SRL: variants seen among roughly 807,000 people sequenced by gnomAD.
SRL encodes the protein sarcalumenin.
A neutral mutation model predicts 39.5 loss-of-function variants in SRL; 23 were observed. The ratio of observed to expected loss-of-function variants is 0.58; its 90% CI spans 0.42 to 0.82. The LOEUF (loss-of-function observed/expected upper bound fraction) is 0.82, where lower values mean the gene tolerates loss of function less well. Among genes scored for constraint, SRL ranks in the 40% least tolerant of loss-of-function variants. The pLI is 0.00. For synonymous variants in SRL, 272 were observed against 237.4 expected (o/e 1.15, Z -1.34); for missense variants, 592 against 607.8 (o/e 0.97, Z 0.27).
rs924234675 is a variant in SRL at position 4,191,992 on chromosome 16, A to C, written c.*161T>G. The C allele has an allele frequency of 1.0e-4, 73 of 726,624 alleles. 1 individual carries two copies. In the Middle Eastern group the frequency reaches 3.6e-3, roughly 36 times the overall value. 45.0% of individuals were successfully genotyped at this position (726,624 alleles called of 1,614,324 possible). ...TCACAGTTTCCACTCTCCTCCCTAG[A>C]CCCACACACCTGCCCCGACCCCTGG... On this transcript the variant is annotated 3_prime_UTR_variant, in exon 6 of 6. Coordinates refer to ENST00000399609, the MANE Select transcript of SRL (RefSeq NM_001098814.2).
chr16:4,216,560 C>T (rs9929195), intron 1 of SRL, among the ~76,000 whole-genome samples: 24,294 of 152,234 alleles, frequency 0.16, 2,259 homozygotes, highest in Middle Eastern at 0.29. Context: ...GCATGAGCCA[C>T]GATGCCCAGC....
Position 4,196,471 on chromosome 16 carries a change from CTTT to C in SRL, c.377-688_377-686del, listed in dbSNP as rs35980213. ...GCGTCTCTCTCTCTGATTTTGCCTTCTTTTTTTTTTTTTTTTTTTTTCCTTTTT... is the reference window on the plus strand; with the variant it reads ...GCGTCTCTCTCTCTGATTTTGCCTTCTTTTTTTTTTTTTTTTTTCCTTTTT... On this transcript the variant is annotated intron_variant, in intron 4 of 5. Transcript: ENST00000399609. Among the ~76,000 whole-genome samples the C allele has an allele frequency of 6.6e-3, 815 of 123,722 alleles. 3 individuals carry two copies. Among genetic ancestry groups the C allele is most frequent in the African/African-American group, 0.012 (391 of 32,500 alleles). 81.2% of individuals were successfully genotyped at this position (123,722 alleles called of 152,430 possible).
chr16:4,209,880 C>T (rs1042091464), intron 1 of SRL, among the ~76,000 whole-genome samples: 7 of 152,110 alleles, frequency 4.6e-5, no homozygotes, highest in African/African-American at 2.4e-5. Context: ...AATGGGTGAC[C>T]GGAACCCAGA....
rs968867301 is a variant in SRL, at chr16:4,191,947, C to A, written c.*206G>T. On this transcript the variant is annotated 3_prime_UTR_variant, in exon 6 of 6. Transcript: ENST00000399609. ...CAATCAGGCCTCCTCATTGAAGCAACAAGACAAGCACACAGGAATTCACAG... is the reference window on the plus strand; with the variant it reads ...CAATCAGGCCTCCTCATTGAAGCAAAAAGACAAGCACACAGGAATTCACAG... 33 of 517,432 alleles carry A rather than the reference C, an allele frequency of 6.4e-5. No homozygotes were observed. The highest frequency in any genetic ancestry group is 6.0e-4 in the African/African-American group (31 of 51,752). 32.1% of individuals were successfully genotyped at this position (517,432 alleles called of 1,614,324 possible). A position where few individuals can be genotyped will look rare whatever the true frequency, so the allele number is the denominator to read the frequency against.
At chr16:4,194,453 T>TAA (rs1320852318) in intron 5 of SRL, among the ~76,000 whole-genome samples, 1 of 152,166 alleles carries the variant, frequency 6.6e-6, no homozygotes, top group Non-Finnish European at 1.5e-5. Context: ...AGAAGCCTGC[T>TAA]AAAGGCTTAT....
In SRL at chr16:4,195,716, G is replaced by A. The variant is rs765108482; in HGVS notation, c.447C>T (p.Ile149=). The change falls in exon 5 of 6, where the codon ATC becomes ATT. Residue 149 remains isoleucine (I), a synonymous_variant. Coordinates refer to ENST00000399609, the MANE Select transcript of SRL (RefSeq NM_001098814.2). ...AACGGGCGCTGTCAGCAGCCATGACGATGCCCTCGATGGTTTTCAGCTTAG... is the reference window on the plus strand; with the variant it reads ...AACGGGCGCTGTCAGCAGCCATGACAATGCCCTCGATGGTTTTCAGCTTAG... The part of the protein sequence containing the change: ...HGPKLKTIEG[I]VMAADSARSF... 6 of 1,613,936 alleles carry A rather than the reference G, an allele frequency of 3.7e-6. No individual in the cohort carries two copies. Among genetic ancestry groups the A allele is most frequent in the African/African-American group, 2.7e-5 (2 of 74,876 alleles).
Position 4,192,512 on chromosome 16 carries a change from T to C in SRL, c.1063A>G (p.Lys355Glu), listed in dbSNP as rs1007686367. ...TCACTGAAGAAGGTCATTTTGTCCT[T>C]GTAAGTCTGCAGGTAGCGGTCAACC... ...LLVDRYLQTY[K>E]DKMTFFSDGE... Residue 355 changes from lysine to glutamate, a missense_variant, in exon 6 of 6, where the codon AAG becomes GAG. By Grantham distance (56) the Lys-to-Glu change is moderately conservative. Transcript: ENST00000399609. The surrounding 1 kb of genome is among the most constrained non-coding windows in gnomAD (Gnocchi z 4.0). The C allele has an allele frequency of 3.1e-6, 5 of 1,614,034 alleles. No homozygotes were observed. In the African/African-American group the frequency reaches 6.7e-5, roughly 22 times the overall value.
chr16:4,214,110 A>G (rs1168380840), intron 1 of SRL, among the ~76,000 whole-genome samples: 2 of 152,204 alleles, frequency 1.3e-5, no homozygotes, highest in Admixed American at 1.3e-4. Context: ...CATCCTCAGT[A>G]CCAAGGGCCA....
Position 4,192,586 on chromosome 16 carries a change from A to G in SRL, c.989T>C (p.Ile330Thr). The stretch of plus-strand genomic sequence containing the variant: ...GATGGCGTGCTGGCGGATGAAGGCA[A>G]TCTTGTTCTCCAGTCTGTTCTCGAT... ...QVIENRLENK[I>T]AFIRQHAIRV... The change falls in exon 6 of 6, where the codon ATT becomes ACT. Residue 330 changes from isoleucine to threonine, a missense_variant. Ile to Thr is a moderately conservative substitution (Grantham distance 89, BLOSUM62 -1). Coordinates refer to ENST00000399609, the MANE Select transcript of SRL (RefSeq NM_001098814.2). This position sits in a 1 kb window ranked among gnomAD's most constrained non-coding sequence, Gnocchi z 4.0. The G allele has an allele frequency of 3.7e-6, 6 of 1,614,174 alleles. No individual in the cohort carries two copies. Among genetic ancestry groups the G allele is most frequent in the Admixed American group, 1.7e-5 (1 of 60,006 alleles).
rs1319764522 is a variant in SRL at position 4,237,434 on chromosome 16, G to A, written c.61+4573C>T. ...CCCTTCTCTCCACTCCCAACCCCTC[G>A]CCCAGGTCCACACTCCCTCACCTAC... On this transcript the variant is annotated intron_variant, in intron 1 of 5. Coordinates refer to ENST00000399609, the MANE Select transcript of SRL (RefSeq NM_001098814.2). Among the ~76,000 whole-genome samples the A allele has an allele frequency of 3.3e-5, 5 of 151,832 alleles. No individual in the cohort carries two copies. In the East Asian group the frequency reaches 5.8e-4, roughly 18 times the overall value.
intron 1 of SRL, among the ~76,000 whole-genome samples, chr16:4,215,023 C>T (rs2052440685): frequency 6.6e-6 from 1 of 152,220 alleles, no homozygotes; most frequent in African/African-American, 2.4e-5. Context: ...CCGCCTCAGC[C>T]TCCCAAAGTG....
chr16:4,223,870 C>G (rs997606631), intron 1 of SRL, among the ~76,000 whole-genome samples: 2 of 152,050 alleles, frequency 1.3e-5, no homozygotes, highest in African/African-American at 4.8e-5. Context: ...CTGGGACCCC[C>G]TTCCTAGCTA....
chr16:4,215,587 C>T (rs1006005), intron 1 of SRL, among the ~76,000 whole-genome samples: 6,199 of 152,254 alleles, frequency 0.041, 384 homozygotes, highest in African/African-American at 0.14. Context: ...TAGAACTCAG[C>T]TCTCTATGGA....
Position 4,190,449 on chromosome 16 carries a change from C to T in SRL, c.*1704G>A. 5.0e-6 allele frequency: 2 copies of T among 398,734 alleles called. No homozygotes were observed. Among genetic ancestry groups the T allele is most frequent in the Non-Finnish European group, 8.8e-6 (2 of 226,178 alleles). The allele number at this position is 398,734 out of a possible 1,614,324, so 24.7% of individuals were successfully genotyped here. A position where few individuals can be genotyped will look rare whatever the true frequency, so the allele number is the denominator to read the frequency against. On this transcript the variant is annotated 3_prime_UTR_variant, in exon 6 of 6. Coordinates refer to ENST00000399609, the MANE Select transcript of SRL (RefSeq NM_001098814.2). Reference sequence around the variant, plus strand: ...TGTACAAAGGAGCCCCTCGAGGCAGCCCGGGCTGGGTCTCCTGGGCATGCA... The same window carrying T: ...TGTACAAAGGAGCCCCTCGAGGCAGTCCGGGCTGGGTCTCCTGGGCATGCA...
chr16:4,198,927 T>C lies in SRL; in HGVS notation c.260-1012A>G, dbSNP rs79048430. Among the ~76,000 whole-genome samples the C allele has an allele frequency of 9.1e-3, 1,387 of 152,312 alleles. 27 individuals are homozygous for C. The highest frequency in any genetic ancestry group is 0.031 in the African/African-American group (1,276 of 41,576). On this transcript the variant is annotated intron_variant, in intron 3 of 5. Coordinates refer to ENST00000399609, the MANE Select transcript of SRL (RefSeq NM_001098814.2). ...TGGGTCCCTAAGAGGAAAAATAGAA[T>C]GCTCTCGTGCTTTCAAATCCAGTGG...
intron 4 of SRL, among the ~76,000 whole-genome samples, chr16:4,196,475 T>C (rs1427997304): frequency 6.8e-6 from 1 of 147,418 alleles, no homozygotes; most frequent in Non-Finnish European, 1.5e-5. Context: ...TGCCTTCTTT[T>C]TTTTTTTTTT....
chr16:4,204,176 G>A (rs2052278982), intron 2 of SRL, among the ~76,000 whole-genome samples: 1 of 152,238 alleles, frequency 6.6e-6, no homozygotes, highest in South Asian at 2.1e-4. Context: ...AAATGAAACA[G>A]CACACATGAA....
chr16:4,211,877 G>A (rs1290577322), intron 1 of SRL, among the ~76,000 whole-genome samples: 1 of 152,138 alleles, frequency 6.6e-6, no homozygotes, highest in Non-Finnish European at 1.5e-5. Context: ...GGTGATGATG[G>A]TGAGAGTGAT....
intron 1 of SRL, among the ~76,000 whole-genome samples, chr16:4,221,055 T>A (rs532132258): frequency 1.9e-3 from 281 of 145,326 alleles, no homozygotes; most frequent in African/African-American, 6.7e-3. Flanking sequence ...ATTCCATTAT[T>A]TTTTTTTTTT....
Sources: allele counts gnomAD v4.1 joint callset (sites outside exome capture counted in the v4.1 genomes callset), GRCh38; gene constraint gnomAD v4.1.1; non-coding constraint Gnocchi (gnomAD v3.1); transcripts MANE v1.5; gene names NCBI Gene and HGNC (gene_info 2026-07-23, HGNC 2026-07-21).